Variants in SLC24A2 observed in about 807,000 individuals in gnomAD.
The protein encoded by SLC24A2 is sodium/potassium/calcium exchanger 2.
SLC24A2 carries 36 observed loss-of-function variants against 62.0 expected under a neutral mutation model. The observed-to-expected ratio is 0.58, with a 90% CI of 0.44 to 0.77. SLC24A2 has a LOEUF of 0.77. Among genes scored for constraint, SLC24A2 ranks in the 30% least tolerant of loss-of-function variants. The pLI is 0.00. For missense variants in SLC24A2, 846 were observed against 817.9 expected (o/e 1.03, Z -0.42); for synonymous variants, 358 against 294.0 (o/e 1.22, Z -2.23).
At chr9:19,622,986 G>T (rs546363123) in intron 2 of SLC24A2, among the ~76,000 whole-genome samples, 2 of 152,200 alleles carry the variant, frequency 1.3e-5, no homozygotes, top group African/African-American at 4.8e-5. Context: ...TCTAAAAAGA[G>T]AAGTCTCTGT....
the SLC24A2 span, among the ~76,000 whole-genome samples, chr9:20,124,733 C>T: frequency 3.3e-5 from 5 of 152,198 alleles, no homozygotes; most frequent in Non-Finnish European, 7.4e-5. Flanking sequence ...GCCCCCAGTT[C>T]CCTCTCTTAG....
the SLC24A2 span, among the ~76,000 whole-genome samples, chr9:19,935,443 G>A: frequency 3.9e-5 from 6 of 152,140 alleles, no homozygotes; most frequent in African/African-American, 1.4e-4. Flanking sequence ...CAGCAGGGTT[G>A]AAAGGGAGTG....
At chr9:20,113,123 C>T in the SLC24A2 span, among the ~76,000 whole-genome samples, 14 of 152,258 alleles carry the variant, frequency 9.2e-5, no homozygotes, top group African/African-American at 3.4e-4. Flanking sequence ...ATCTCCATGT[C>T]TTTTTGCTGA....
intron 2 of SLC24A2, among the ~76,000 whole-genome samples, chr9:19,737,071 A>G (rs1821531943): frequency 6.6e-6 from 1 of 152,204 alleles, no homozygotes; most frequent in Non-Finnish European, 1.5e-5. Context: ...AACAAATAAT[A>G]TTTGAAGAAC....
chr9:19,557,404 CG>C (rs1323228872), intron 7 of SLC24A2, among the ~76,000 whole-genome samples: 2 of 152,086 alleles, frequency 1.3e-5, no homozygotes, highest in Non-Finnish European at 2.9e-5. Context: ...AAGAATGAGC[CG>C]AAGGCGGTGG....
the SLC24A2 span, among the ~76,000 whole-genome samples, chr9:20,075,996 A>G: frequency 1.3e-5 from 2 of 152,230 alleles, no homozygotes; most frequent in Non-Finnish European, 2.9e-5. Flanking sequence ...AATAGCTAAT[A>G]CAATGCAAAT....
the SLC24A2 span, among the ~76,000 whole-genome samples, chr9:20,123,632 G>A: frequency 6.6e-6 from 1 of 152,126 alleles, no homozygotes; most frequent in African/African-American, 2.4e-5. Context: ...AATAACGTCT[G>A]CCTCATAGGA....
At chr9:20,015,535 C>T in the SLC24A2 span, among the ~76,000 whole-genome samples, 2 of 152,230 alleles carry the variant, frequency 1.3e-5, no homozygotes, top group African/African-American at 4.8e-5. Flanking sequence ...TTCCAATTCT[C>T]ATGCAAATGT....
chr9:20,048,085 A>C, the SLC24A2 span, among the ~76,000 whole-genome samples: 1 of 152,106 alleles, frequency 6.6e-6, no homozygotes, highest in Non-Finnish European at 1.5e-5. Context: ...AAGACACCAG[A>C]TTGTTAATAA....
intron 4 of SLC24A2, among the ~76,000 whole-genome samples, chr9:19,603,073 A>C (rs901887182): frequency 2.0e-5 from 3 of 152,192 alleles, no homozygotes; most frequent in Admixed American, 2.0e-4. Context: ...AGAATATCTG[A>C]AACCATCCAT....
chr9:20,211,624 T>C, the SLC24A2 span, among the ~76,000 whole-genome samples: 1 of 152,134 alleles, frequency 6.6e-6, no homozygotes, highest in Non-Finnish European at 1.5e-5. Flanking sequence ...CTAAATATGG[T>C]TGCAAAAACA....
At chr9:20,041,947 GTGCCA>G in the SLC24A2 span, among the ~76,000 whole-genome samples, 1 of 152,198 alleles carries the variant, frequency 6.6e-6, no homozygotes, top group Non-Finnish European at 1.5e-5. Context: ...GTCCCCTCAG[GTGCCA>G]GACTCTGCAC....
At chr9:20,005,883 G>T in the SLC24A2 span, among the ~76,000 whole-genome samples, 4 of 145,354 alleles carry the variant, frequency 2.8e-5, no homozygotes, top group African/African-American at 7.6e-5. Flanking sequence ...AAAAAAGACA[G>T]AAAAGAAACA....
At chr9:19,916,735 T>C in the SLC24A2 span, among the ~76,000 whole-genome samples, 6 of 151,988 alleles carry the variant, frequency 3.9e-5, no homozygotes, top group African/African-American at 1.2e-4. Context: ...TAGTCACTTC[T>C]CTAGAGCTGG....
At chr9:20,022,442 A>G in the SLC24A2 span, among the ~76,000 whole-genome samples, 7 of 152,332 alleles carry the variant, frequency 4.6e-5, no homozygotes, top group South Asian at 4.1e-4. Flanking sequence ...AACTTGCCCA[A>G]GCTTTTACAT....
At chr9:20,276,986 G>A in the SLC24A2 span, among the ~76,000 whole-genome samples, 1 of 152,210 alleles carries the variant, frequency 6.6e-6, no homozygotes, top group African/African-American at 2.4e-5. Context: ...GGCTTGTGAT[G>A]GGAAGGGCTG....
chr9:19,760,973 TAAG>T (rs1223339076), intron 2 of SLC24A2, among the ~76,000 whole-genome samples: 2 of 151,946 alleles, frequency 1.3e-5, no homozygotes, highest in Non-Finnish European at 2.9e-5. Context: ...AACGACAAGT[TAAG>T]GAGTGCATCA....
At chr9:19,963,252 A>G in the SLC24A2 span, among the ~76,000 whole-genome samples, 1 of 146,378 alleles carries the variant, frequency 6.8e-6, no homozygotes, top group Non-Finnish European at 1.5e-5. Context: ...TTAGACCTAA[A>G]ACCATAAAAA....
In SLC24A2 at chr9:19,555,375, TTC is replaced by T. The variant is rs573052457; in HGVS notation, c.1348-5109_1348-5108del. Among the ~76,000 whole-genome samples, 39 of 152,296 alleles carry T rather than the reference TTC, an allele frequency of 2.6e-4. 1 individual carries two copies. The South Asian group carries it at 7.9e-3, about 31-fold the overall frequency. ...TGAGTCATGTAATCGATAAGATTCT[TTC>T]TGTGTTTTGTTCACTGGGGAGTTCA... On this transcript the variant is annotated intron_variant, in intron 7 of 10. Coordinates refer to ENST00000341998, the MANE Select transcript of SLC24A2 (RefSeq NM_020344.4).
Sources: gnomAD v4.1 joint callset for allele counts (sites outside exome capture counted in the v4.1 genomes callset) on GRCh38, gnomAD v4.1.1 for gene constraint, MANE v1.5 for transcripts, NCBI Gene and HGNC (gene_info 2026-07-23, HGNC 2026-07-21) for gene names.